Variants in PRKG1 observed in about 807,000 individuals in gnomAD.
PRKG1 encodes cGMP-dependent protein kinase 1.
In PRKG1, 35 loss-of-function variants were observed where a neutral mutation model predicts 88.1. That is an observed-to-expected ratio of 0.40 (90% CI 0.30 to 0.53). The LOEUF (loss-of-function observed/expected upper bound fraction) is 0.53. Among genes scored for constraint, PRKG1 ranks in the 20% least tolerant of loss-of-function variants. The probability of loss-of-function intolerance (pLI) is 0.59; values close to 1 mark genes in which losing one functional copy is unlikely to be tolerated. For synonymous variants in PRKG1, 303 were observed against 292.5 expected (o/e 1.04, Z -0.37); for missense variants, 540 against 839.8 (o/e 0.64, Z 4.41).
At chr10:51,384,017 G>A (rs1837185701) in intron 2 of PRKG1, among the ~76,000 whole-genome samples, 1 of 152,048 alleles carries the variant, frequency 6.6e-6, no homozygotes, top group Non-Finnish European at 1.5e-5. Flanking sequence ...TTAACAAAAA[G>A]AAGAAATAAA....
At chr10:52,144,729 A>T (rs1295170594) in intron 8 of PRKG1, among the ~76,000 whole-genome samples, 1 of 68,504 alleles carries the variant, frequency 1.5e-5, no homozygotes, top group African/African-American at 3.8e-5. Context: ...AGGCAGGAGA[A>T]TTGCTTGAAC....
At chr10:51,892,442 A>G (rs1169412077) in intron 4 of PRKG1, among the ~76,000 whole-genome samples, 2 of 152,178 alleles carry the variant, frequency 1.3e-5, no homozygotes, top group Non-Finnish European at 2.9e-5. Flanking sequence ...TTATCTGCCC[A>G]TATGTAGGCA....
chr10:51,768,017 A>T (rs1838212027), intron 3 of PRKG1, among the ~76,000 whole-genome samples: 1 of 147,310 alleles, frequency 6.8e-6, no homozygotes, highest in Non-Finnish European at 1.5e-5. Context: ...ATTAAAAAAA[A>T]AATAAATAAA....
intron 4 of PRKG1, among the ~76,000 whole-genome samples, chr10:51,899,228 A>T (rs1027354828): frequency 6.6e-6 from 1 of 152,114 alleles, no homozygotes; most frequent in African/African-American, 2.4e-5. Context: ...ATCTGTTAGT[A>T]TTTACTGCAT....
chr10:52,042,348 A>G (rs889506482), intron 5 of PRKG1, among the ~76,000 whole-genome samples: 1 of 152,188 alleles, frequency 6.6e-6, no homozygotes, highest in East Asian at 1.9e-4. Context: ...ATAGTAACCA[A>G]AACACATGGT....
intron 5 of PRKG1, among the ~76,000 whole-genome samples, chr10:52,044,989 C>A (rs771117735): frequency 2.6e-5 from 4 of 152,162 alleles, no homozygotes; most frequent in Non-Finnish European, 5.9e-5. Context: ...AGACATACAG[C>A]AATTCTGAGT....
intron 2 of PRKG1, among the ~76,000 whole-genome samples, chr10:51,313,163 T>C (rs1841235284): frequency 6.6e-6 from 1 of 152,030 alleles, no homozygotes; most frequent in Non-Finnish European, 1.5e-5. Context: ...ATATTCTGGA[T>C]TAAATTTTAA....
At chr10:52,166,798 C>CATGTATATAT (rs1838461711) in intron 9 of PRKG1, among the ~76,000 whole-genome samples, 1 of 96,772 alleles carries the variant, frequency 1.0e-5, no homozygotes, top group Non-Finnish European at 1.8e-5. Flanking sequence ...TATATATATA[C>CATGTATATAT]ATATATATAT....
At chr10:51,817,352 C>CA (rs1042101104) in intron 4 of PRKG1, among the ~76,000 whole-genome samples, 5 of 148,472 alleles carry the variant, frequency 3.4e-5, no homozygotes, top group Non-Finnish European at 6.0e-5. Context: ...CCCCAACCCC[C>CA]CCCCTCCCCT....
intron 1 of PRKG1, among the ~76,000 whole-genome samples, chr10:51,024,130 T>C (rs1843171446): frequency 6.6e-6 from 1 of 152,244 alleles, no homozygotes; most frequent in Non-Finnish European, 1.5e-5. Context: ...GACTTGGTGT[T>C]AATTTGCATT....
chr10:51,506,865 AG>A (rs1234316231), intron 3 of PRKG1, among the ~76,000 whole-genome samples: 1 of 152,108 alleles, frequency 6.6e-6, no homozygotes. Flanking sequence ...TGTTTATTGC[AG>A]CACTAATCAC....
chr10:50,991,245 C>A lies in PRKG1; in HGVS notation c.-134C>A. ...GCGCCGCATTAGGGGCGCACTCCGCCGCGCTCGAGTACTTAGCGCCCATTC... is the reference window on the plus strand; with the variant it reads ...GCGCCGCATTAGGGGCGCACTCCGCAGCGCTCGAGTACTTAGCGCCCATTC... On this transcript the variant is annotated 5_prime_UTR_variant, in exon 1 of 18. Coordinates refer to the PRKG1 transcript ENST00000401604. The surrounding 1 kb of genome is among the most constrained non-coding windows in gnomAD (Gnocchi z 4.5). 1 of 1,315,546 alleles carries A rather than the reference C, an allele frequency of 7.6e-7. No homozygotes were observed. The highest frequency in any genetic ancestry group is 1.6e-5 in the South Asian group (1 of 63,562). The allele number at this position is 1,315,546 out of a possible 1,614,324, so 81.5% of individuals were successfully genotyped here.
intron 1 of PRKG1, among the ~76,000 whole-genome samples, chr10:51,104,355 G>A (rs1844766307): frequency 6.6e-6 from 1 of 152,076 alleles, no homozygotes. Flanking sequence ...ATATAACTTT[G>A]CTAAAAACAA....
At chr10:51,337,573 T>C (rs989240221) in intron 2 of PRKG1, among the ~76,000 whole-genome samples, 1 of 151,394 alleles carries the variant, frequency 6.6e-6, no homozygotes. Flanking sequence ...AAGAAAAAAA[T>C]CAACCCCATT....
intron 1 of PRKG1, among the ~76,000 whole-genome samples, chr10:51,078,743 A>C (rs2131846524): frequency 6.6e-6 from 1 of 151,818 alleles, no homozygotes; most frequent in East Asian, 1.9e-4. Flanking sequence ...CAGCCTCCTG[A>C]GTAGCTGGGA....
chr10:52,274,979 T>G (rs534102740), intron 12 of PRKG1, among the ~76,000 whole-genome samples: 1 of 152,210 alleles, frequency 6.6e-6, no homozygotes, highest in Non-Finnish European at 1.5e-5. Context: ...TTTGTATATC[T>G]TCTTTTGAGA....
intron 3 of PRKG1, among the ~76,000 whole-genome samples, chr10:51,632,923 G>C (rs556399116): frequency 6.6e-6 from 1 of 152,120 alleles, no homozygotes; most frequent in African/African-American, 2.4e-5. Context: ...TGAGCCCTTA[G>C]TATTTTCCAA....
At chr10:51,876,981 C>A (rs1841315581) in intron 4 of PRKG1, among the ~76,000 whole-genome samples, 1 of 152,160 alleles carries the variant, frequency 6.6e-6, no homozygotes, top group African/African-American at 2.4e-5. Flanking sequence ...TTATTGAGAT[C>A]AGCTCACAGA....
At chr10:51,291,019 C>T (rs753379809) in intron 2 of PRKG1, among the ~76,000 whole-genome samples, 9 of 152,076 alleles carry the variant, frequency 5.9e-5, no homozygotes, top group Non-Finnish European at 8.8e-5. Flanking sequence ...TCTTTGTATA[C>T]GTAATAAAAA....
Sources: allele counts gnomAD v4.1 joint callset (sites outside exome capture counted in the v4.1 genomes callset), GRCh38; gene constraint gnomAD v4.1.1; non-coding constraint Gnocchi (gnomAD v3.1); transcripts MANE v1.5; gene names NCBI Gene and HGNC (gene_info 2026-07-23, HGNC 2026-07-21).